FCHSD2: variants seen among roughly 807,000 people sequenced by gnomAD.
FCHSD2 encodes F-BAR and double SH3 domains protein 2.
A neutral mutation model predicts 108.1 loss-of-function variants in FCHSD2; 38 were observed. That is an observed-to-expected ratio of 0.35 (90% CI 0.27 to 0.46). The LOEUF (loss-of-function observed/expected upper bound fraction) is 0.46, where lower values mean the gene tolerates loss of function less well. Ranked by LOEUF, FCHSD2 falls within the 20% of genes least tolerant of loss-of-function variation. The pLI, the probability that FCHSD2 is intolerant of heterozygous loss-of-function variation, is 1.00. For missense variants in FCHSD2, 751 were observed against 897.8 expected (o/e 0.84, Z 2.09); for synonymous variants, 279 against 314.7 (o/e 0.89, Z 1.20).
At chr11:72,977,256 T>A (rs1422516844) in intron 8 of FCHSD2, among the ~76,000 whole-genome samples, 1 of 152,152 alleles carries the variant, frequency 6.6e-6, no homozygotes, top group Non-Finnish European at 1.5e-5. Context: ...GGGGAAATTC[T>A]CTAAGACACT....
At chr11:73,120,125 C>A (rs1293208881) in intron 2 of FCHSD2, among the ~76,000 whole-genome samples, 4 of 151,386 alleles carry the variant, frequency 2.6e-5, no homozygotes, top group African/African-American at 9.7e-5. Context: ...GTGGAAACCA[C>A]CCCCATGATT....
At chr11:72,929,522 T>G (rs965943306) in intron 8 of FCHSD2, among the ~76,000 whole-genome samples, 1 of 152,172 alleles carries the variant, frequency 6.6e-6, no homozygotes, top group African/African-American at 2.4e-5. Flanking sequence ...ACAGTTGGAA[T>G]TCAAAGCACG....
intron 8 of FCHSD2, among the ~76,000 whole-genome samples, chr11:72,954,328 C>T (rs1856673947): frequency 6.6e-6 from 1 of 151,440 alleles, no homozygotes; most frequent in Non-Finnish European, 1.5e-5. Flanking sequence ...CTCAACTCAG[C>T]CTCCTGAGTA....
At chr11:73,028,345 C>T (rs975113717) in intron 3 of FCHSD2, among the ~76,000 whole-genome samples, 1 of 152,218 alleles carries the variant, frequency 6.6e-6, no homozygotes, top group Non-Finnish European at 1.5e-5. Flanking sequence ...GGAGCTTTTA[C>T]TATTTAATAA....
At position 72,900,475 on chromosome 11, in the gene FCHSD2, T is replaced by G. The variant is rs1218632824; in HGVS notation, c.924+2068A>C. ...GCAGTTGGGCTGGGAAAAAGTGAGA[T>G]GAGAGTCACTGTTATTCTGATTTTT... On this transcript the variant is annotated intron_variant, in intron 10 of 19. Transcript: ENST00000409418. 3 of 606,998 alleles carry G rather than the reference T, an allele frequency of 4.9e-6. No individual in the cohort carries two copies. The Admixed American group carries it at 8.6e-5, about 17-fold the overall frequency. 37.6% of individuals were successfully genotyped at this position (606,998 alleles called of 1,614,324 possible).
chr11:73,083,518 C>T (rs904360236), intron 3 of FCHSD2, among the ~76,000 whole-genome samples, 177 bp downstream of exon 3: 16 of 149,910 alleles, frequency 1.1e-4, no homozygotes, highest in African/African-American at 3.7e-4. Context: ...CACTGTACTC[C>T]AGCCTCGCAA....
chr11:72,848,924 C>T (rs993751996), intron 14 of FCHSD2, among the ~76,000 whole-genome samples: 2 of 151,996 alleles, frequency 1.3e-5, no homozygotes, highest in African/African-American at 2.4e-5. Context: ...ATTATCAAAA[C>T]GATTTACATT....
intron 8 of FCHSD2, among the ~76,000 whole-genome samples, chr11:72,977,861 C>A (rs1006066612): frequency 1.3e-5 from 2 of 152,218 alleles, no homozygotes; most frequent in Admixed American, 1.3e-4. Flanking sequence ...GACACATGCA[C>A]ATATATGTTT....
At chr11:73,141,193 C>A (rs1411240585) in intron 1 of FCHSD2, 1 of 152,378 alleles carries the variant, frequency 6.6e-6, no homozygotes, top group African/African-American at 2.4e-5. Flanking sequence ...GTCATCCAAC[C>A]CCGGATCGCA....
intron 10 of FCHSD2, among the ~76,000 whole-genome samples, chr11:72,894,996 G>A (rs1352050718): frequency 3.3e-5 from 5 of 152,190 alleles, no homozygotes. Context: ...CTTTTGGTAA[G>A]AGACTGTAGA....
intron 8 of FCHSD2, among the ~76,000 whole-genome samples, chr11:72,950,929 T>G (rs772955424): frequency 6.6e-6 from 1 of 152,204 alleles, no homozygotes; most frequent in Non-Finnish European, 1.5e-5. Context: ...TAATTCAGTG[T>G]GAACAGAAGT....
chr11:72,848,463 C>T (rs1861204151), intron 14 of FCHSD2, among the ~76,000 whole-genome samples: 1 of 152,188 alleles, frequency 6.6e-6, no homozygotes, highest in African/African-American at 2.4e-5. Flanking sequence ...AAATTTCTCC[C>T]AATGATCCAG....
chr11:73,021,514 A>T (rs1269628641), intron 3 of FCHSD2, among the ~76,000 whole-genome samples: 1 of 152,202 alleles, frequency 6.6e-6, no homozygotes, highest in East Asian at 1.9e-4. Context: ...TGATGAGAAC[A>T]CATGAACACA....
At chr11:73,128,074 T>C (rs1430265281) in intron 2 of FCHSD2, among the ~76,000 whole-genome samples, 1 of 151,160 alleles carries the variant, frequency 6.6e-6, no homozygotes, top group African/African-American at 2.4e-5. Context: ...TGACCACCAT[T>C]TCTCCAAATT....
chr11:72,955,529 G>A (rs1856696378), intron 8 of FCHSD2, among the ~76,000 whole-genome samples: 1 of 152,146 alleles, frequency 6.6e-6, no homozygotes, highest in Non-Finnish European at 1.5e-5. Context: ...TGAAGTAGGT[G>A]GGTGGGGTGG....
chr11:73,011,963 C>A (rs1466198265), intron 4 of FCHSD2, among the ~76,000 whole-genome samples: 1 of 152,112 alleles, frequency 6.6e-6, no homozygotes, highest in Non-Finnish European at 1.5e-5. Flanking sequence ...ACCTTGAAGA[C>A]CCTCCCTCCA....
chr11:73,068,728 G>A (rs1366378731), intron 3 of FCHSD2, among the ~76,000 whole-genome samples: 1 of 150,502 alleles, frequency 6.6e-6, no homozygotes, highest in Non-Finnish European at 1.5e-5. Flanking sequence ...CCAACACTTT[G>A]GGAGGCCGAG....
chr11:72,929,723 T>G (rs1856150734), intron 8 of FCHSD2, among the ~76,000 whole-genome samples: 1 of 152,184 alleles, frequency 6.6e-6, no homozygotes, highest in Non-Finnish European at 1.5e-5. Flanking sequence ...ACGATCAGAA[T>G]AAAAATTGTC....
intron 2 of FCHSD2, among the ~76,000 whole-genome samples, chr11:73,125,254 T>A (rs1407695920): frequency 1.3e-5 from 2 of 152,252 alleles, no homozygotes; most frequent in South Asian, 4.1e-4. Context: ...CTTCTCTTAA[T>A]CTTTTTAAAA....
Sources: allele counts gnomAD v4.1 joint callset (sites outside exome capture counted in the v4.1 genomes callset), GRCh38; gene constraint gnomAD v4.1.1; transcripts MANE v1.5; gene names NCBI Gene and HGNC (gene_info 2026-07-23, HGNC 2026-07-21).